DAPK1: variants seen among roughly 807,000 people sequenced by gnomAD.
DAPK1 encodes the protein death-associated protein kinase 1.
In DAPK1, 56 loss-of-function variants were observed where a neutral mutation model predicts 144.9. The ratio of observed to expected loss-of-function variants is 0.39; its 90% CI spans 0.31 to 0.48. The LOEUF (loss-of-function observed/expected upper bound fraction) is 0.48, where lower values mean the gene tolerates loss of function less well. DAPK1 is among the 20% of genes least tolerant of loss of function. The pLI, the probability that DAPK1 is intolerant of heterozygous loss-of-function variation, is 0.95. For synonymous variants in DAPK1, 690 were observed against 749.0 expected (o/e 0.92, Z 1.29); for missense variants, 1,454 against 1,875.4 (o/e 0.78, Z 4.15).
intron 3 of DAPK1, among the ~76,000 whole-genome samples, chr9:87,618,160 T>A (rs13292823): frequency 0.1 from 15,179 of 152,298 alleles, 1,001 homozygotes; most frequent in South Asian, 0.24. Context: ...GAAGAATCTT[T>A]GGTGAATGGC....
chr9:87,591,156 C>T (rs1394237737), intron 2 of DAPK1, among the ~76,000 whole-genome samples: 3 of 152,114 alleles, frequency 2.0e-5, no homozygotes, highest in Non-Finnish European at 4.4e-5. Context: ...GCAGAATTGC[C>T]CTGAAGTTTG....
At chr9:87,556,116 C>T (rs1352734608) in intron 2 of DAPK1, among the ~76,000 whole-genome samples, 1 of 152,180 alleles carries the variant, frequency 6.6e-6, no homozygotes, top group Non-Finnish European at 1.5e-5. Flanking sequence ...GTCACCGAAA[C>T]TCATCAGTGA....
At chr9:87,698,961 G>A (rs1825368593) in intron 23 of DAPK1, among the ~76,000 whole-genome samples, 167 bp downstream of exon 23, 1 of 152,104 alleles carries the variant, frequency 6.6e-6, no homozygotes, top group Non-Finnish European at 1.5e-5. Context: ...ATCCCTTATT[G>A]GAAATGATCG....
intron 2 of DAPK1, among the ~76,000 whole-genome samples, chr9:87,602,401 A>G (rs1828555752): frequency 6.6e-6 from 1 of 152,170 alleles, no homozygotes; most frequent in Non-Finnish European, 1.5e-5. Context: ...TTTTGCTGTA[A>G]ACGAAGGCAC....
intron 22 of DAPK1, among the ~76,000 whole-genome samples, chr9:87,697,971 A>G (rs1433835667): frequency 1.3e-5 from 2 of 152,212 alleles, no homozygotes; most frequent in Non-Finnish European, 2.9e-5. Context: ...AGAGAGAGAA[A>G]TGAAGAAAGG....
intron 2 of DAPK1, among the ~76,000 whole-genome samples, chr9:87,511,691 T>TGTGTGTGTGTGTGTCTGTGG (rs1482747464): frequency 1.4e-5 from 2 of 143,816 alleles, no homozygotes; most frequent in East Asian, 4.3e-4. Context: ...TGTGTGTGTG[T>TGTGTGTGTGTGTGTCTGTGG]GTGTGTGTGT....
Position 87,706,007 on chromosome 9 carries a change from G to A in DAPK1, c.3061-125G>A, listed in dbSNP as rs1825620495. 1 of 690,494 alleles carries A rather than the reference G, an allele frequency of 1.4e-6. No individual in the cohort carries two copies. Among genetic ancestry groups the A allele is most frequent in the East Asian group, 2.5e-5 (1 of 40,056 alleles). 42.8% of individuals were successfully genotyped at this position (690,494 alleles called of 1,614,324 possible). A position where few individuals can be genotyped will look rare whatever the true frequency, so the allele number is the denominator to read the frequency against. ...AGACGCATCCACGTGGAATGGCCTT[G>A]GGTCACTCCTTAGAGCATCTGCTCA... On this transcript the variant is annotated intron_variant, in intron 25 of 25. Coordinates refer to ENST00000408954, the MANE Select transcript of DAPK1 (RefSeq NM_004938.4). This position sits in a 1 kb window ranked among gnomAD's most constrained non-coding sequence, Gnocchi z 9.0.
chr9:87,554,312 T>G (rs1350867731), intron 2 of DAPK1: 1 of 152,266 alleles, frequency 6.6e-6, no homozygotes, highest in Non-Finnish European at 1.5e-5. Context: ...TTTCAAGAGT[T>G]CGTGTTGCTG....
chr9:87,625,151 AAC>A (rs201272359), intron 3 of DAPK1, among the ~76,000 whole-genome samples: 154 of 152,344 alleles, frequency 1.0e-3, no homozygotes, highest in Middle Eastern at 6.8e-3. Context: ...CTCTCACAGA[AAC>A]AGTTTGTTAA....
intron 3 of DAPK1, among the ~76,000 whole-genome samples, chr9:87,606,427 A>G (rs1464800392): frequency 6.6e-6 from 1 of 152,124 alleles, no homozygotes; most frequent in South Asian, 2.1e-4. Flanking sequence ...TGGTTGGTAG[A>G]TGACATTAAT....
At chr9:87,691,579 C>T (rs1825053763) in intron 21 of DAPK1, among the ~76,000 whole-genome samples, 1 of 151,582 alleles carries the variant, frequency 6.6e-6, no homozygotes, top group Non-Finnish European at 1.5e-5. Context: ...GTGCATCATT[C>T]GATTGTTTAT....
intron 2 of DAPK1, among the ~76,000 whole-genome samples, chr9:87,584,664 T>TTGTGTGTG (rs113125719): frequency 0.025 from 3,442 of 140,474 alleles, 128 homozygotes; most frequent in African/African-American, 0.077. Context: ...TGATAGCTCA[T>TTGTGTGTG]TGTGTGTGTG....
At chr9:87,540,665 C>T (rs554997080) in intron 2 of DAPK1, among the ~76,000 whole-genome samples, 3 of 152,240 alleles carry the variant, frequency 2.0e-5, no homozygotes, top group South Asian at 4.1e-4. Flanking sequence ...GTAACCTTTT[C>T]CTGAAAGCTG....
chr9:87,589,346 C>G (rs909382911), intron 2 of DAPK1, among the ~76,000 whole-genome samples: 1 of 152,128 alleles, frequency 6.6e-6, no homozygotes, highest in Non-Finnish European at 1.5e-5. Context: ...AGTTCTCATG[C>G]CCAGAAGCAA....
In DAPK1 at chr9:87,552,860, G is replaced by C. The variant is rs144232713; in HGVS notation, c.63-52094G>C. ...AAGCGATTCTCCCACACAGCTTCCC[G>C]AAGTGTCAGGATTACAGGTGTGAGC... is the stretch of plus-strand genomic sequence containing the variant. On this transcript the variant is annotated intron_variant, in intron 2 of 25. Transcript: ENST00000408954. Among the ~76,000 whole-genome samples, 35 of 151,912 alleles carry C rather than the reference G, an allele frequency of 2.3e-4. No individual in the cohort carries two copies. The East Asian group carries it at 5.8e-3, about 25-fold the overall frequency.
chr9:87,534,022 A>G (rs904839124), intron 2 of DAPK1, among the ~76,000 whole-genome samples: 4 of 151,888 alleles, frequency 2.6e-5, no homozygotes, highest in African/African-American at 9.7e-5. Flanking sequence ...CCATTTAGTT[A>G]TACATTTGCA....
chr9:87,614,508 ACT>A (rs912304088), intron 3 of DAPK1, among the ~76,000 whole-genome samples: 1 of 151,818 alleles, frequency 6.6e-6, no homozygotes, highest in Non-Finnish European at 1.5e-5. Flanking sequence ...CTTCTGCATC[ACT>A]CTCTGGGGTG....
chr9:87,593,695 TTTTG>T (rs1398417714), intron 2 of DAPK1, among the ~76,000 whole-genome samples: 1 of 152,232 alleles, frequency 6.6e-6, no homozygotes, highest in Non-Finnish European at 1.5e-5. Context: ...CAGCTTAGCT[TTTTG>T]TTTGTCTTCT....
At chr9:87,554,747 A>C (rs540513960) in intron 2 of DAPK1, among the ~76,000 whole-genome samples, 62 of 152,312 alleles carry the variant, frequency 4.1e-4, no homozygotes, top group African/African-American at 1.5e-3. Flanking sequence ...CCTCGGCCTG[A>C]CTGCTCTGGC....
Sources: allele counts gnomAD v4.1 joint callset (sites outside exome capture counted in the v4.1 genomes callset), GRCh38; gene constraint gnomAD v4.1.1; non-coding constraint Gnocchi (gnomAD v3.1); transcripts MANE v1.5; gene names NCBI Gene and HGNC (gene_info 2026-07-23, HGNC 2026-07-21).